The following B4GALT1 variants were observed in gnomAD, a reference collection of about 807,000 sequenced individuals.
The protein encoded by B4GALT1 is N-acetyllactosamine synthase.
B4GALT1 carries 16 observed loss-of-function variants against 34.9 expected under a neutral mutation model. The observed-to-expected ratio is 0.46, with a 90% confidence interval of 0.31 to 0.70. B4GALT1 has a LOEUF of 0.70. B4GALT1 is among the 30% of genes least tolerant of loss of function. The probability of loss-of-function intolerance (pLI) is 0.05; values close to 1 mark genes in which losing one functional copy is unlikely to be tolerated. For missense variants in B4GALT1, 445 were observed against 530.5 expected (o/e 0.84, Z 1.58); for synonymous variants, 221 against 218.1 (o/e 1.01, Z -0.12).
chr9:33,181,648 G>A, the B4GALT1 span, among the ~76,000 whole-genome samples: 2 of 152,128 alleles, frequency 1.3e-5, no homozygotes. Context: ...GCCAATCAGA[G>A]CACTATACCC....
chr9:33,137,636 C>T (rs1482658824), intron 1 of B4GALT1, among the ~76,000 whole-genome samples: 1 of 116,322 alleles, frequency 8.6e-6, no homozygotes, highest in Non-Finnish European at 2.0e-5. Flanking sequence ...TACAGCATCT[C>T]GGGCCCTTCC....
chr9:33,135,889 A>AGGTGTG (rs1564044777), intron 1 of B4GALT1, among the ~76,000 whole-genome samples: 1 of 94,456 alleles, frequency 1.1e-5, no homozygotes, highest in Non-Finnish European at 2.4e-5. Flanking sequence ...CTAACTGGGG[A>AGGTGTG]AGTGTGTGTG....
intron 1 of B4GALT1, among the ~76,000 whole-genome samples, chr9:33,157,545 A>G (rs2118285983): frequency 6.6e-6 from 1 of 152,358 alleles, no homozygotes; most frequent in South Asian, 2.1e-4. Context: ...TTGGATAAAA[A>G]TGGCTGCATG....
chr9:33,135,252 T>C lies in B4GALT1; in HGVS notation c.585A>G (p.Leu195=), dbSNP rs763127613. Residue 195 remains leucine (L), a synonymous_variant, in exon 2 of 6, where the codon CTA becomes CTG. Transcript: ENST00000379731. ...RNRQEHLKYW[L]YYLHPVLQRQ... ...GCTGCAGGACTGGGTGCAAATAATA[T>C]AGCCAGTACTTGAGGTGCTCCTGCC... The C allele has an allele frequency of 6.2e-7, 1 of 1,614,150 alleles. No homozygotes were observed. Among genetic ancestry groups the C allele is most frequent in the East Asian group, 2.2e-5 (1 of 44,892 alleles).
chr9:33,178,343 A>G, the B4GALT1 span, among the ~76,000 whole-genome samples: 3 of 152,168 alleles, frequency 2.0e-5, no homozygotes, highest in African/African-American at 7.2e-5. Flanking sequence ...ATACATAGCT[A>G]CATTCTATTG....
upstream of B4GALT1, among the ~76,000 whole-genome samples, chr9:33,168,386 G>A (rs1474102559): frequency 6.6e-6 from 1 of 152,202 alleles, no homozygotes; most frequent in African/African-American, 2.4e-5. Flanking sequence ...CCCAGAGAAA[G>A]ACTCATGGAG....
intron 1 of B4GALT1, among the ~76,000 whole-genome samples, chr9:33,152,694 T>G (rs1840539534): frequency 6.6e-6 from 1 of 151,812 alleles, no homozygotes; most frequent in Non-Finnish European, 1.5e-5. Context: ...GCCAACATGG[T>G]GAAACCCCAT....
upstream of B4GALT1, among the ~76,000 whole-genome samples, chr9:33,168,899 T>C (rs141297023): frequency 4.6e-5 from 7 of 152,366 alleles, no homozygotes; most frequent in East Asian, 1.3e-3. Context: ...CTCCCGTTCT[T>C]ACCTCCCTCA....
chr9:33,128,033 T>C (rs1167677433), intron 2 of B4GALT1, among the ~76,000 whole-genome samples: 2 of 152,112 alleles, frequency 1.3e-5, no homozygotes, highest in East Asian at 3.9e-4. Flanking sequence ...ATGTGAACAT[T>C]ACCAGGGTGG....
intron 2 of B4GALT1, among the ~76,000 whole-genome samples, chr9:33,126,692 T>A (rs1157839982): frequency 3.2e-5 from 1 of 31,014 alleles, no homozygotes; most frequent in Non-Finnish European, 1.1e-4. Flanking sequence ...TCAACAAAAC[T>A]TGGATCTGAG....
chr9:33,151,405 T>G (rs891639859), intron 1 of B4GALT1, among the ~76,000 whole-genome samples: 2 of 152,140 alleles, frequency 1.3e-5, no homozygotes, highest in African/African-American at 4.8e-5. Flanking sequence ...TACGAGCACA[T>G]CCTTCTCTCT....
At chr9:33,158,348 T>C (rs999572405) in intron 1 of B4GALT1, among the ~76,000 whole-genome samples, 14 of 152,182 alleles carry the variant, frequency 9.2e-5, no homozygotes, top group African/African-American at 3.1e-4. Flanking sequence ...AAGAAATCCC[T>C]CTCTGCAGCT....
intron 1 of B4GALT1, among the ~76,000 whole-genome samples, chr9:33,155,616 C>T (rs961117937): frequency 6.6e-6 from 1 of 152,146 alleles, no homozygotes; most frequent in Non-Finnish European, 1.5e-5. Context: ...AACAAGATAG[C>T]GGCCTTCTCC....
intron 2 of B4GALT1, among the ~76,000 whole-genome samples, chr9:33,129,116 C>T (rs1305928897): frequency 6.6e-6 from 1 of 152,110 alleles, no homozygotes; most frequent in African/African-American, 2.4e-5. Context: ...TCCTGGCCAT[C>T]GTGTGCTTAC....
chr9:33,166,070 G>A (rs547829322), intron 1 of B4GALT1, among the ~76,000 whole-genome samples: 17 of 151,740 alleles, frequency 1.1e-4, no homozygotes, highest in Non-Finnish European at 2.4e-4. Context: ...GAGGAGGCTA[G>A]GGGGAAGGGC....
intron 2 of B4GALT1, among the ~76,000 whole-genome samples, chr9:33,127,992 C>T (rs1006700581): frequency 6.6e-6 from 1 of 152,206 alleles, no homozygotes; most frequent in Non-Finnish European, 1.5e-5. Flanking sequence ...CCCTGACCAG[C>T]AGGGCCCTGG....
chr9:33,104,133 G>A (rs79675868), exon 3 of B4GALT1: 14,386 of 152,168 alleles, frequency 0.095, 942 homozygotes, highest in East Asian at 0.36. Context: ...GGGTGTGGTA[G>A]TACCCTCGCC....
chr9:33,118,261 C>A (rs879933264), intron 3 of B4GALT1, among the ~76,000 whole-genome samples: 1 of 152,180 alleles, frequency 6.6e-6, no homozygotes, highest in Non-Finnish European at 1.5e-5. Context: ...GATTTTTGAT[C>A]TGGGAGAAGG....
chr9:33,127,373 A>T (rs896397961), intron 2 of B4GALT1, among the ~76,000 whole-genome samples: 1 of 152,248 alleles, frequency 6.6e-6, no homozygotes, highest in Non-Finnish European at 1.5e-5. Flanking sequence ...ATATATCAAG[A>T]CAGTGGTGCT....
Sources: allele counts gnomAD v4.1 joint callset (sites outside exome capture counted in the v4.1 genomes callset), GRCh38; gene constraint gnomAD v4.1.1; transcripts MANE v1.5; gene names NCBI Gene and HGNC (gene_info 2026-07-23, HGNC 2026-07-21).